The following ARB2A variants were observed in gnomAD, a reference collection of about 807,000 sequenced individuals.
ARB2A encodes the protein ARB2 cotranscriptional regulator A.
the ARB2A span, among the ~76,000 whole-genome samples, chr5:93,839,682 T>TA: frequency 6.6e-6 from 1 of 152,018 alleles, no homozygotes; most frequent in Non-Finnish European, 1.5e-5. Flanking sequence ...ATAGGCTTTT[T>TA]ACTACTGATT....
At chr5:93,716,908 T>C in the ARB2A span, among the ~76,000 whole-genome samples, 1 of 152,130 alleles carries the variant, frequency 6.6e-6, no homozygotes, top group African/African-American at 2.4e-5. Context: ...TATTCCATAA[T>C]AACAATTTAT....
At chr5:93,928,693 A>G in the ARB2A span, among the ~76,000 whole-genome samples, 1 of 152,180 alleles carries the variant, frequency 6.6e-6, no homozygotes, top group African/African-American at 2.4e-5. Flanking sequence ...TAATCTAGTT[A>G]AAATTTTTCT....
the ARB2A span, among the ~76,000 whole-genome samples, chr5:93,975,851 A>C: frequency 6.6e-6 from 1 of 152,170 alleles, no homozygotes; most frequent in East Asian, 1.9e-4. Flanking sequence ...ATTCTACTAG[A>C]TACGCAAAGA....
the ARB2A span, among the ~76,000 whole-genome samples, chr5:93,623,837 G>A: frequency 2.0e-5 from 3 of 152,094 alleles, no homozygotes; most frequent in Non-Finnish European, 4.4e-5. Flanking sequence ...ACATGAATAT[G>A]TAATATAAAA....
chr5:93,647,042 T>G, the ARB2A span, among the ~76,000 whole-genome samples: 1 of 152,300 alleles, frequency 6.6e-6, no homozygotes, highest in East Asian at 1.9e-4. Context: ...ATCATGCCCT[T>G]CAGTAGTATG....
chr5:93,728,341 T>A, the ARB2A span, among the ~76,000 whole-genome samples: 5 of 152,078 alleles, frequency 3.3e-5, no homozygotes, highest in African/African-American at 7.2e-5. Context: ...TTCTCTCATA[T>A]AATGAGCTGT....
At chr5:94,049,258 T>C in the ARB2A span, among the ~76,000 whole-genome samples, 3 of 152,322 alleles carry the variant, frequency 2.0e-5, no homozygotes, top group Non-Finnish European at 4.4e-5. Context: ...GTGAAGTACC[T>C]AATGTTCACA....
chr5:93,910,399 A>C, the ARB2A span, among the ~76,000 whole-genome samples: 1 of 151,250 alleles, frequency 6.6e-6, no homozygotes, highest in Non-Finnish European at 1.5e-5. Context: ...ATGTCCTTTT[A>C]CAGTATGATT....
the ARB2A span, among the ~76,000 whole-genome samples, chr5:93,887,563 A>C: frequency 6.8e-6 from 1 of 148,126 alleles, no homozygotes; most frequent in East Asian, 1.9e-4. Flanking sequence ...TTACAAAAAC[A>C]AACAAACAAA....
chr5:93,861,266 C>T, the ARB2A span: 2 of 151,714 alleles, frequency 1.3e-5, no homozygotes, highest in Non-Finnish European at 2.9e-5. Context: ...TACCCTTCTA[C>T]ACCCGGTTCC....
At chr5:94,078,396 A>G in the ARB2A span, among the ~76,000 whole-genome samples, 1 of 152,212 alleles carries the variant, frequency 6.6e-6, no homozygotes. Context: ...AGGAACCAAA[A>G]GACCCACCCA....
the ARB2A span, among the ~76,000 whole-genome samples, chr5:93,846,189 C>A: frequency 6.6e-6 from 1 of 152,070 alleles, no homozygotes; most frequent in Admixed American, 6.6e-5. Flanking sequence ...GCTTTGGAAA[C>A]AAAGAGAAGA....
chr5:93,981,069 ATTT>A, the ARB2A span, among the ~76,000 whole-genome samples: 1 of 144,218 alleles, frequency 6.9e-6, no homozygotes. Context: ...GTATTTCTTA[ATTT>A]TTTTTTTTTT....
chr5:94,100,012 A>G, the ARB2A span, among the ~76,000 whole-genome samples: 1 of 152,216 alleles, frequency 6.6e-6, no homozygotes, highest in African/African-American at 2.4e-5. Context: ...CTATTTGCAG[A>G]TGACATGATT....
the ARB2A span, among the ~76,000 whole-genome samples, chr5:93,698,236 C>T: frequency 6.6e-6 from 1 of 151,994 alleles, no homozygotes; most frequent in East Asian, 1.9e-4. Flanking sequence ...GTTGGCATTC[C>T]CAATGCATTA....
At chr5:93,706,326 T>C in the ARB2A span, among the ~76,000 whole-genome samples, 2 of 152,228 alleles carry the variant, frequency 1.3e-5, no homozygotes, top group Non-Finnish European at 2.9e-5. Context: ...TCAATTTATA[T>C]GAAATGTTCA....
At chr5:93,976,667 C>T in the ARB2A span, among the ~76,000 whole-genome samples, 1 of 152,262 alleles carries the variant, frequency 6.6e-6, no homozygotes, top group South Asian at 2.1e-4. Flanking sequence ...AAGGTCCTTG[C>T]TTGCCCTTTG....
the ARB2A span, among the ~76,000 whole-genome samples, chr5:93,919,651 CA>C: frequency 1.3e-4 from 20 of 152,092 alleles, no homozygotes; most frequent in Non-Finnish European, 1.9e-4. Flanking sequence ...TAGTCTTCGC[CA>C]ATCTTTTTGA....
At chr5:93,988,124 G>C in the ARB2A span, among the ~76,000 whole-genome samples, 1 of 151,750 alleles carries the variant, frequency 6.6e-6, no homozygotes, top group Non-Finnish European at 1.5e-5. Context: ...CTCTACTATC[G>C]CCATTCTAGT....
Sources: gnomAD v4.1 joint callset for allele counts (sites outside exome capture counted in the v4.1 genomes callset) on GRCh38, gnomAD v4.1.1 for gene constraint, MANE v1.5 for transcripts, NCBI Gene and HGNC (gene_info 2026-07-23, HGNC 2026-07-21) for gene names.